Variants in OSBPL8 observed in about 807,000 individuals in gnomAD.
The protein encoded by OSBPL8 is oxysterol binding protein like 8, also known as oxysterol-binding protein-related protein 8.
A neutral mutation model predicts 125.5 loss-of-function variants in OSBPL8; 59 were observed. The ratio of observed to expected loss-of-function variants is 0.47; its 90% CI spans 0.38 to 0.58. The LOEUF is 0.58. OSBPL8 is among the 20% of genes least tolerant of loss of function. The probability of loss-of-function intolerance (pLI) is 0.00; values close to 1 mark genes in which losing one functional copy is unlikely to be tolerated. For missense variants in OSBPL8, 758 were observed against 1,047.8 expected (o/e 0.72, Z 3.82); for synonymous variants, 330 against 338.9 (o/e 0.97, Z 0.29).
chr12:76,386,579 C>T lies in OSBPL8; in HGVS notation c.1434G>A (p.Lys478=), dbSNP rs753065030. The change falls in exon 13 of 24, where the codon AAG becomes AAA. Residue 478 remains lysine (K), a splice_region_variant and synonymous_variant. Transcript: ENST00000261183. ...ATAAAATGTAAACAAACATTATTACCTTTGGCTTTTTATAGAATCCTGACA... is the reference window on the plus strand; with the variant it reads ...ATAAAATGTAAACAAACATTATTACTTTTGGCTTTTTATAGAATCCTGACA... The part of the protein sequence containing the change: ...WYLSGFYKKP[K]GLKKPYNPIL... The T allele has an allele frequency of 6.3e-7, 1 of 1,588,820 alleles. No individual in the cohort carries two copies. Among genetic ancestry groups the T allele is most frequent in the Admixed American group, 1.7e-5 (1 of 57,464 alleles).
At chr12:76,417,627 A>G (rs1012271137) in intron 4 of OSBPL8, among the ~76,000 whole-genome samples, 10 of 152,282 alleles carry the variant, frequency 6.6e-5, no homozygotes, top group African/African-American at 2.4e-4. Flanking sequence ...TGTATGTCCA[A>G]TGTACTACTA....
rs368916405 is a variant in OSBPL8, at chr12:76,380,289, T to C, written c.1631-1739A>G. ...TAGTCTATCTATCCATTTATTTGGA[T>C]CTTCTTTAATTTTCCTCAGCAATGT... On this transcript the variant is annotated intron_variant, in intron 15 of 23. Transcript: ENST00000261183. Among the ~76,000 whole-genome samples the C allele has an allele frequency of 5.6e-4, 85 of 152,304 alleles. 1 individual carries two copies. Among genetic ancestry groups the C allele is most frequent in the African/African-American group, 2.0e-3 (84 of 41,576 alleles).
At chr12:76,356,087 T>A in intron 23 of OSBPL8, 66 bp from the exon 24 acceptor site, 17 of 1,426,832 alleles carry the variant, frequency 1.2e-5, no homozygotes, top group Admixed American at 3.9e-5. Flanking sequence ...GAGCCCACAA[T>A]TTGATATTAA....
intron 4 of OSBPL8, among the ~76,000 whole-genome samples, chr12:76,447,051 T>C (rs1872794143): frequency 6.6e-6 from 1 of 152,178 alleles, no homozygotes; most frequent in South Asian, 2.1e-4. Flanking sequence ...CTTTAAAGAT[T>C]TCATTAACAC....
chr12:76,417,020 G>A (rs1382827103), intron 4 of OSBPL8, among the ~76,000 whole-genome samples: 1 of 152,068 alleles, frequency 6.6e-6, no homozygotes, highest in African/African-American at 2.4e-5. Context: ...AAATACAAAG[G>A]CCTTGGAAGA....
intron 4 of OSBPL8, among the ~76,000 whole-genome samples, chr12:76,441,783 G>A (rs1450847939): frequency 6.6e-6 from 1 of 151,976 alleles, no homozygotes. Context: ...CTGGAGGCTG[G>A]GAAGAGTAGT....
chr12:76,357,965 C>T (rs1020514366), intron 22 of OSBPL8, among the ~76,000 whole-genome samples: 1 of 151,590 alleles, frequency 6.6e-6, no homozygotes, highest in African/African-American at 2.4e-5. Context: ...GAATGGAGTA[C>T]AATTTAAGCT....
intron 21 of OSBPL8, among the ~76,000 whole-genome samples, chr12:76,367,263 T>A (rs1171412032): frequency 6.6e-6 from 1 of 151,910 alleles, no homozygotes; most frequent in South Asian, 2.1e-4. Flanking sequence ...TGTGTATGAA[T>A]TGACCCTTTT....
intron 4 of OSBPL8, among the ~76,000 whole-genome samples, chr12:76,446,195 T>C (rs73383580): frequency 0.16 from 24,231 of 152,192 alleles, 2,254 homozygotes; most frequent in Middle Eastern, 0.24. Flanking sequence ...TTTGGAACTC[T>C]AATTCTTTCC....
intron 1 of OSBPL8, among the ~76,000 whole-genome samples, chr12:76,521,722 T>C (rs768450418): frequency 6.6e-6 from 1 of 152,198 alleles, no homozygotes; most frequent in Non-Finnish European, 1.5e-5. Flanking sequence ...ATGATTCCAC[T>C]TTTATGATGT....
chr12:76,447,606 C>T (rs1238917149), intron 4 of OSBPL8, among the ~76,000 whole-genome samples: 6 of 151,932 alleles, frequency 3.9e-5, no homozygotes, highest in African/African-American at 7.3e-5. Flanking sequence ...TGCAATGGCG[C>T]GATCTCGGCT....
intron 1 of OSBPL8, among the ~76,000 whole-genome samples, chr12:76,551,792 T>C (rs957683099): frequency 6.6e-6 from 1 of 152,176 alleles, no homozygotes; most frequent in Non-Finnish European, 1.5e-5. Flanking sequence ...ATTATTACAG[T>C]CTCGACTACC....
At chr12:76,476,510 G>C (rs1876827370) in intron 2 of OSBPL8, among the ~76,000 whole-genome samples, 1 of 151,998 alleles carries the variant, frequency 6.6e-6, no homozygotes, top group Non-Finnish European at 1.5e-5. Context: ...ATAAAATATA[G>C]TAGACTTGAA....
intron 4 of OSBPL8, among the ~76,000 whole-genome samples, chr12:76,444,431 T>C (rs1458039303): frequency 2.0e-5 from 3 of 152,166 alleles, no homozygotes; most frequent in Non-Finnish European, 4.4e-5. Flanking sequence ...AGAACAGATT[T>C]AAACTACACC....
chr12:76,389,913 A>G (rs1303707764), intron 11 of OSBPL8, 84 bp from the exon 12 acceptor site: 2 of 1,092,674 alleles, frequency 1.8e-6, no homozygotes, highest in East Asian at 5.4e-5. Context: ...TGAAAATATG[A>G]ACTCTTCTCA....
At chr12:76,413,543 A>T (rs1242794931) in intron 4 of OSBPL8, among the ~76,000 whole-genome samples, 1 of 152,242 alleles carries the variant, frequency 6.6e-6, no homozygotes, top group Non-Finnish European at 1.5e-5. Context: ...TGGGTCACAG[A>T]GCATGTGTAA....
At chr12:76,516,808 TTTTC>T (rs1881580110) in intron 1 of OSBPL8, among the ~76,000 whole-genome samples, 1 of 148,326 alleles carries the variant, frequency 6.7e-6, no homozygotes, top group Non-Finnish European at 1.5e-5. Flanking sequence ...TTTCCTTTTC[TTTTC>T]TTTTCTTTTT....
intron 4 of OSBPL8, among the ~76,000 whole-genome samples, chr12:76,441,796 G>A (rs1872213788): frequency 6.6e-6 from 1 of 152,026 alleles, no homozygotes; most frequent in South Asian, 2.1e-4. Context: ...AGAGTAGTGA[G>A]AGGGTGGGGT....
At chr12:76,436,886 A>AT (rs1312213789) in intron 4 of OSBPL8, among the ~76,000 whole-genome samples, 1 of 152,176 alleles carries the variant, frequency 6.6e-6, no homozygotes, top group Non-Finnish European at 1.5e-5. Context: ...GTTTTATCAC[A>AT]TATCTATCCC....
Sources: allele counts gnomAD v4.1 joint callset (sites outside exome capture counted in the v4.1 genomes callset), GRCh38; gene constraint gnomAD v4.1.1; transcripts MANE v1.5; gene names NCBI Gene and HGNC (gene_info 2026-07-23, HGNC 2026-07-21).